The following CPEB1 variants were observed in gnomAD, a reference collection of about 807,000 sequenced individuals.
The protein encoded by CPEB1 is cytoplasmic polyadenylation element-binding protein 1.
Under a neutral mutation model 65.8 loss-of-function variants are expected in CPEB1, and 7 were observed. The ratio of observed to expected loss-of-function variants is 0.11; its 90% CI spans 0.06 to 0.20. The LOEUF is 0.20. Among genes scored for constraint, CPEB1 ranks in the 10% least tolerant of loss-of-function variants. CPEB1 has a pLI of 1.00. For synonymous variants in CPEB1, 262 were observed against 260.0 expected (o/e 1.01, Z -0.08); for missense variants, 551 against 712.2 (o/e 0.77, Z 2.58).
At chr15:82,551,162 C>A (rs977381950) in intron 9 of CPEB1, among the ~76,000 whole-genome samples, 1 of 152,130 alleles carries the variant, frequency 6.6e-6, no homozygotes, top group Non-Finnish European at 1.5e-5. Context: ...TGAGCCTGCC[C>A]TCTCTCTAAC....
chr15:82,573,271 C>G (rs2040288049), intron 3 of CPEB1: 1 of 999,336 alleles, frequency 1.0e-6, no homozygotes, highest in Admixed American at 2.9e-5. Context: ...GCTGTGTCAT[C>G]CATCCACGTT....
chr15:82,586,687 A>G (rs1205632801), intron 3 of CPEB1, among the ~76,000 whole-genome samples: 5 of 152,202 alleles, frequency 3.3e-5, no homozygotes, highest in Non-Finnish European at 7.3e-5. Flanking sequence ...GAAAGAATCT[A>G]AAGAAGTTGT....
chr15:82,580,066 A>G (rs2041116126), intron 3 of CPEB1, among the ~76,000 whole-genome samples: 1 of 151,564 alleles, frequency 6.6e-6, no homozygotes, highest in Non-Finnish European at 1.5e-5. Flanking sequence ...TCACACCTGT[A>G]ATCCCAGCAC....
intron 3 of CPEB1, among the ~76,000 whole-genome samples, chr15:82,621,332 A>G (rs2045280282): frequency 6.6e-6 from 1 of 151,864 alleles, no homozygotes; most frequent in Admixed American, 6.6e-5. Flanking sequence ...AAAAAAAAAA[A>G]AAATCCAGGC....
chr15:82,613,379 G>T (rs115330390), intron 3 of CPEB1, among the ~76,000 whole-genome samples: 1,907 of 152,080 alleles, frequency 0.013, 37 homozygotes, highest in African/African-American at 0.044. Context: ...TTTCTTGGGG[G>T]TTTTTTTGTT....
intron 3 of CPEB1, among the ~76,000 whole-genome samples, chr15:82,625,990 G>A (rs1333206878): frequency 1.3e-5 from 2 of 150,702 alleles, no homozygotes; most frequent in African/African-American, 4.9e-5. Context: ...TGTGGTGGCG[G>A]GTGCCTGTAA....
chr15:82,603,600 C>G (rs190709482), intron 3 of CPEB1, among the ~76,000 whole-genome samples: 3,363 of 151,916 alleles, frequency 0.022, 129 homozygotes, highest in African/African-American at 0.076. Context: ...GTACAAACAG[C>G]AAGTGAAGAA....
chr15:82,648,668 C>T (rs1276140725), upstream of CPEB1: 1 of 152,854 alleles, frequency 6.5e-6, no homozygotes, highest in African/African-American at 2.4e-5. Flanking sequence ...ACCGGAAACC[C>T]CAGGCAAACG....
intron 3 of CPEB1, among the ~76,000 whole-genome samples, chr15:82,591,628 A>C (rs1247706203): frequency 6.6e-6 from 1 of 151,998 alleles, no homozygotes; most frequent in Admixed American, 6.6e-5. Context: ...GTCCACATGT[A>C]TGTCTTCTTT....
In CPEB1 at chr15:82,623,263, C is replaced by T. The variant is rs562976577; in HGVS notation, c.271+3930G>A. Among the ~76,000 whole-genome samples, 13 of 152,372 alleles carry T rather than the reference C, an allele frequency of 8.5e-5. 1 individual carries two copies. Among genetic ancestry groups the T allele is most frequent in the South Asian group, 6.2e-4 (3 of 4,832 alleles). On this transcript the variant is annotated intron_variant, in intron 3 of 12. Transcript: ENST00000684509. ...CTATCACAGCACTTTTCCAATGATG[C>T]TTTATCAACTGGGTTATGCATGCAA...
intron 9 of CPEB1, among the ~76,000 whole-genome samples, chr15:82,550,130 C>T (rs2035991978): frequency 6.6e-6 from 1 of 152,092 alleles, no homozygotes; most frequent in Non-Finnish European, 1.5e-5. Context: ...TGGTTACTGG[C>T]CCAACCTAGC....
chr15:82,589,748 C>G (rs1031661794), intron 3 of CPEB1, among the ~76,000 whole-genome samples: 4 of 152,014 alleles, frequency 2.6e-5, no homozygotes, highest in Non-Finnish European at 5.9e-5. Flanking sequence ...GTATTACAGT[C>G]GGCACTCCCT....
intron 3 of CPEB1, chr15:82,572,937 C>G: frequency 8.1e-7 from 1 of 1,231,218 alleles, no homozygotes; most frequent in South Asian, 1.8e-5. Context: ...CCAACATGAG[C>G]CCAGGGTCAC....
intron 3 of CPEB1, among the ~76,000 whole-genome samples, chr15:82,586,870 G>A (rs1337766009): frequency 1.3e-5 from 2 of 152,178 alleles, no homozygotes; most frequent in African/African-American, 4.8e-5. Flanking sequence ...AAGGATGTCT[G>A]CTGCCCTAAG....
chr15:82,579,918 CAAAAAAAAAAAAAAAAAA>C (rs59925251), intron 3 of CPEB1, among the ~76,000 whole-genome samples: 41 of 32,676 alleles, frequency 1.3e-3, no homozygotes, highest in East Asian at 5.2e-3. Context: ...GACTCCGTCT[CAAAAAAAAAAAAAAAAAA>C]AAAAAAAAAA....
intron 3 of CPEB1, among the ~76,000 whole-genome samples, chr15:82,575,719 T>TA (rs1326385171): frequency 6.6e-6 from 1 of 152,024 alleles, no homozygotes; most frequent in Non-Finnish European, 1.5e-5. Flanking sequence ...AAATCCAAGT[T>TA]AAAACCACAG....
At chr15:82,563,308 A>G (rs558245194) in intron 4 of CPEB1, among the ~76,000 whole-genome samples, 1 of 151,970 alleles carries the variant, frequency 6.6e-6, no homozygotes, top group South Asian at 2.1e-4. Flanking sequence ...TAAATTGACT[A>G]AAGTTAACTG....
chr15:82,549,690 G>A (rs1375103930), intron 9 of CPEB1, 32 bp from the exon 10 acceptor site: 3 of 1,602,538 alleles, frequency 1.9e-6, no homozygotes, highest in Non-Finnish European at 2.6e-6. Flanking sequence ...ATCAGCCCTG[G>A]CAGAGAGCCA....
At chr15:82,632,278 A>G (rs2870965) in intron 1 of CPEB1, among the ~76,000 whole-genome samples, 107,128 of 151,936 alleles carry the variant, frequency 0.71, 39,129 homozygotes, top group African/African-American at 0.91. Flanking sequence ...CACTGCGCCC[A>G]GCCAAATTCA....
Sources: gnomAD v4.1 joint callset for allele counts (sites outside exome capture counted in the v4.1 genomes callset) on GRCh38, gnomAD v4.1.1 for gene constraint, MANE v1.5 for transcripts, NCBI Gene and HGNC (gene_info 2026-07-23, HGNC 2026-07-21) for gene names.